ZNF583: variants seen among roughly 807,000 people sequenced by gnomAD.
ZNF583 encodes the protein zinc finger protein L3-5.
Under a neutral mutation model 55.3 loss-of-function variants are expected in ZNF583, and 30 were observed. That is an observed-to-expected ratio of 0.54 (90% CI 0.41 to 0.74). The LOEUF (loss-of-function observed/expected upper bound fraction) is 0.74, where lower values mean the gene tolerates loss of function less well. Ranked by LOEUF, ZNF583 falls within the 30% of genes least tolerant of loss-of-function variation. The pLI is 0.00. For synonymous variants in ZNF583, 208 were observed against 220.0 expected, an observed-to-expected ratio of 0.95 and a Z score of 0.48; for missense variants, 504 against 664.7, an observed-to-expected ratio of 0.76 and a Z score of 2.66.
At chr19:56,422,563 A>AAAGAT (rs1289311674) in intron 4 of ZNF583, among the ~76,000 whole-genome samples, 2 of 152,168 alleles carry the variant, frequency 1.3e-5, no homozygotes, top group Non-Finnish European at 2.9e-5. Flanking sequence ...CTGGCTTATA[A>AAAGAT]AAGATAACTT....
In ZNF583 at chr19:56,424,683, T is replaced by A; in HGVS notation, c.*315T>A. 1 of 233,880 alleles carries A rather than the reference T, an allele frequency of 4.3e-6. No individual in the cohort carries two copies. Among genetic ancestry groups the A allele is most frequent in the Admixed American group, 5.0e-5 (1 of 20,190 alleles). The allele number at this position is 233,880 out of a possible 1,614,324, so 14.5% of individuals were successfully genotyped here. On this transcript the variant is annotated 3_prime_UTR_variant, in exon 5 of 5. Coordinates refer to ENST00000333201, the MANE Select transcript of ZNF583 (RefSeq NM_152478.3). ...TACCTTCCAAAGTTTCTATCTTGTG[T>A]CACTATCCATCTCATTCTCTGAATA...
chr19:56,407,053 T>C lies in ZNF583; in HGVS notation c.-62T>C. On this transcript the variant is annotated 5_prime_UTR_variant, in exon 2 of 5. Transcript: ENST00000333201. ...CGACTTTCTCAGGATACTGTCCCTC[T>C]CCCACAGAGGAGCTGAAGGAGTAGG... 3 of 1,605,384 alleles carry C rather than the reference T, an allele frequency of 1.9e-6. No homozygotes were observed. Among genetic ancestry groups the C allele is most frequent in the Non-Finnish European group, 2.6e-6 (3 of 1,173,490 alleles).
rs1322302152 is a variant in ZNF583 at position 56,404,911 on chromosome 19, G to GT, written c.-90+460dup. On this transcript the variant is annotated intron_variant, in intron 1 of 4. Coordinates refer to ENST00000333201, the MANE Select transcript of ZNF583 (RefSeq NM_152478.3). The surrounding 1 kb of genome is among the most constrained non-coding windows in gnomAD (Gnocchi z 5.2). ...TGTGTAGACCACGTGTGAACAGTGT[G>GT]TAAGACCATGTCACTGTGTGTGTGA... 6.6e-6 allele frequency among the ~76,000 whole-genome samples: 1 copy of GT among 152,116 alleles called. No homozygotes were observed. The highest frequency in any genetic ancestry group is 1.5e-5 in the Non-Finnish European group (1 of 68,006).
At chr19:56,414,172 A>G (rs1395893889) in intron 3 of ZNF583, 87 bp downstream of exon 3, 40 of 1,544,006 alleles carry the variant, frequency 2.6e-5, no homozygotes, top group Non-Finnish European at 3.5e-5. Flanking sequence ...TGCTTCACTA[A>G]ATTTCCTTTT....
At position 56,425,369 on chromosome 19, in the gene ZNF583, C is replaced by G. The variant is rs2042485002; in HGVS notation, c.*1001C>G. Reference sequence around the variant, plus strand: ...GGATTACAGGCCTGCACCACCACGCCCAGCTAATTTTTGTATTTTTAGTAG... The same window carrying G: ...GGATTACAGGCCTGCACCACCACGCGCAGCTAATTTTTGTATTTTTAGTAG... On this transcript the variant is annotated 3_prime_UTR_variant, in exon 5 of 5. Coordinates refer to ENST00000333201, the MANE Select transcript of ZNF583 (RefSeq NM_152478.3). The G allele has an allele frequency of 6.6e-6, 1 of 152,132 alleles. No individual in the cohort carries two copies. The highest frequency in any genetic ancestry group is 6.6e-5 in the Admixed American group (1 of 15,266). 9.4% of individuals were successfully genotyped at this position (152,132 alleles called of 1,614,324 possible).
At position 56,423,330 on chromosome 19, in the gene ZNF583, C is replaced by T; in HGVS notation, c.672C>T (p.Ser224=). The change falls in exon 5 of 5, where the codon AGC becomes AGT. Residue 224 remains serine, a synonymous_variant. Coordinates refer to ENST00000333201, the MANE Select transcript of ZNF583 (RefSeq NM_152478.3). ...CNDCEKVFNQ[S]SSLTLHQRIH... is the part of the protein sequence containing the mutation. ...ATTGTGAGAAAGTCTTCAACCAGAG[C>T]TCATCCCTTACTCTTCATCAGAGAA... 2 of 1,613,600 alleles carry T rather than the reference C, an allele frequency of 1.2e-6. No homozygotes were observed. Among genetic ancestry groups the T allele is most frequent in the Non-Finnish European group, 1.7e-6 (2 of 1,179,864 alleles).
intron 4 of ZNF583, among the ~76,000 whole-genome samples, chr19:56,415,740 A>G (rs1451256878): frequency 1.3e-5 from 2 of 151,992 alleles, no homozygotes; most frequent in East Asian, 3.9e-4. Context: ...ATTTTTCTGT[A>G]TTTTAAGTAG....
intron 2 of ZNF583, among the ~76,000 whole-genome samples, chr19:56,413,263 G>A (rs1461375668): frequency 6.6e-6 from 1 of 152,164 alleles, no homozygotes; most frequent in Admixed American, 6.5e-5. Context: ...ACAGCTGGTT[G>A]GCAAATGTTG....
Position 56,424,691 on chromosome 19 carries a change from C to T in ZNF583, c.*323C>T. On this transcript the variant is annotated 3_prime_UTR_variant, in exon 5 of 5. Transcript: ENST00000333201. ...AAAGTTTCTATCTTGTGTCACTATC[C>T]ATCTCATTCTCTGAATACTTATCCA... 4.5e-6 allele frequency: 1 copy of T among 221,702 alleles called. No homozygotes were observed. Among genetic ancestry groups the T allele is most frequent in the South Asian group, 1.0e-4 (1 of 10,032 alleles). The allele number at this position is 221,702 out of a possible 1,614,324, so 13.7% of individuals were successfully genotyped here.
chr19:56,414,613 C>G (rs769669593), intron 4 of ZNF583, 173 bp downstream of exon 4: 122 of 584,244 alleles, frequency 2.1e-4, no homozygotes, highest in Non-Finnish European at 3.3e-4. Flanking sequence ...TTCTCTCTGT[C>G]TATATTCTCT....
Position 56,423,698 on chromosome 19 carries a change from C to A in ZNF583, c.1040C>A (p.Thr347Lys). 6.2e-7 allele frequency: 1 copy of A among 1,613,950 alleles called. No individual in the cohort carries two copies. The highest frequency in any genetic ancestry group is 8.5e-7 in the Non-Finnish European group (1 of 1,179,986). ...CTTGCTCAGCATCAGAGAATTCATA[C>A]AGGAGAGAAACCTTATGTGTGTAAT... ...SFLAQHQRIH[T>K]GEKPYVCNVC... Residue 347 changes from threonine to lysine, a missense_variant, in exon 5 of 5, where the codon ACA (threonine) becomes AAA (lysine). By Grantham distance (78) the Thr-to-Lys change is moderately conservative (BLOSUM62 -1). Around this residue, in one of 3 missense-constraint regions of ZNF583, gnomAD observed 237 missense variants for 373.0 expected, o/e 0.64. Coordinates refer to ENST00000333201, the MANE Select transcript of ZNF583 (RefSeq NM_152478.3).
At position 56,411,331 on chromosome 19, in the gene ZNF583, C is replaced by T. The variant is rs111882050; in HGVS notation, c.10-2628C>T. Reference sequence around the variant, plus strand: ...AAAACAAAGGAGTGGGGGGAAATCACTGAGGGTAGAAATACTGGAAAGTAT... The same window carrying T: ...AAAACAAAGGAGTGGGGGGAAATCATTGAGGGTAGAAATACTGGAAAGTAT... On this transcript the variant is annotated intron_variant, in intron 2 of 4. Coordinates refer to ENST00000333201, the MANE Select transcript of ZNF583 (RefSeq NM_152478.3). Among the ~76,000 whole-genome samples the T allele has an allele frequency of 3.8e-3, 577 of 152,096 alleles. 4 individuals are homozygous for T. The highest frequency in any genetic ancestry group is 0.013 in the African/African-American group (535 of 41,478).
intron 4 of ZNF583, among the ~76,000 whole-genome samples, chr19:56,421,018 C>T (rs943390682): frequency 6.6e-6 from 1 of 151,872 alleles, no homozygotes; most frequent in African/African-American, 2.4e-5. Context: ...TATCTGCTGG[C>T]TTGTTGTACC....
chr19:56,423,822 C>T lies in ZNF583; in HGVS notation c.1164C>T (p.Ala388=), dbSNP rs1205483610. ...ACGAATGTAAGGAATGTAGGAAAGC[C>T]TTCAGCCAGTATGCACACCTTGCTC... ...RPYECKECRK[A]FSQYAHLAQH... is the part of the protein sequence containing the mutation. The change falls in exon 5 of 5, where the codon GCC becomes GCT. Residue 388 remains alanine, a synonymous_variant. Coordinates refer to ENST00000333201, the MANE Select transcript of ZNF583 (RefSeq NM_152478.3). 6.2e-7 allele frequency: 1 copy of T among 1,613,550 alleles called. No homozygotes were observed. Among genetic ancestry groups the T allele is most frequent in the Admixed American group, 1.7e-5 (1 of 59,972 alleles).
intron 4 of ZNF583, among the ~76,000 whole-genome samples, chr19:56,421,799 A>G (rs890909443): frequency 1.3e-5 from 2 of 152,204 alleles, no homozygotes; most frequent in Non-Finnish European, 2.9e-5. Flanking sequence ...TTACATTCTA[A>G]TAAGAATAGA....
intron 2 of ZNF583, among the ~76,000 whole-genome samples, chr19:56,407,748 A>G (rs951519770): frequency 6.6e-6 from 1 of 152,196 alleles, no homozygotes; most frequent in East Asian, 1.9e-4. Context: ...TCCAGTTAAG[A>G]TTAGTGGAAT....
Position 56,426,722 on chromosome 19 carries a change from A to T in ZNF583, c.*2354A>T, listed in dbSNP as rs1257451082. The T allele has an allele frequency of 1.3e-5, 2 of 152,154 alleles. No homozygotes were observed. Among genetic ancestry groups the T allele is most frequent in the Non-Finnish European group, 2.9e-5 (2 of 68,018 alleles). 9.4% of individuals were successfully genotyped at this position (152,154 alleles called of 1,614,324 possible). ...GGCCAATGAAATACTATTTTTTTCA[A>T]TATCAGATTAATAAAACTGCATTGA... On this transcript the variant is annotated 3_prime_UTR_variant, in exon 5 of 5. Transcript: ENST00000333201.
At chr19:56,418,352 A>G (rs770048078) in intron 4 of ZNF583, among the ~76,000 whole-genome samples, 13 of 152,150 alleles carry the variant, frequency 8.5e-5, no homozygotes, top group Non-Finnish European at 1.9e-4. Flanking sequence ...ATTTGGAAGG[A>G]TTGCTTGAGT....
intron 2 of ZNF583, among the ~76,000 whole-genome samples, chr19:56,408,298 A>G (rs1457838255): frequency 1.3e-5 from 2 of 152,220 alleles, no homozygotes; most frequent in Non-Finnish European, 2.9e-5. Context: ...GAAATCAACT[A>G]GTACAGCACT....
Sources: gnomAD v4.1 joint callset for allele counts (sites outside exome capture counted in the v4.1 genomes callset) on GRCh38, gnomAD v4.1.1 for gene constraint, gnomAD v4.1.1 regional missense constraint, Gnocchi (gnomAD v3.1) non-coding constraint, MANE v1.5 for transcripts, NCBI Gene and HGNC (gene_info 2026-07-23, HGNC 2026-07-21) for gene names.